PRKG1: variants seen among roughly 807,000 people sequenced by gnomAD.
PRKG1 encodes the protein cGMP-dependent protein kinase 1.
PRKG1 carries 35 observed loss-of-function variants against 88.1 expected under a neutral mutation model. The observed-to-expected ratio is 0.40, with a 90% confidence interval of 0.30 to 0.53. The LOEUF (loss-of-function observed/expected upper bound fraction) is 0.53. Among genes scored for constraint, PRKG1 ranks in the 20% least tolerant of loss-of-function variants. The pLI is 0.59. For missense variants in PRKG1, 540 were observed against 839.8 expected (o/e 0.64, Z 4.41); for synonymous variants, 303 against 292.5 (o/e 1.04, Z -0.37).
chr10:51,950,028 G>A (rs1185609309), intron 5 of PRKG1, among the ~76,000 whole-genome samples: 2 of 152,096 alleles, frequency 1.3e-5, no homozygotes, highest in African/African-American at 2.4e-5. Flanking sequence ...GTCACCAAAG[G>A]CATTTTAGCA....
rs529947315 is a variant in PRKG1, at chr10:51,140,632, G to C, written c.312-12532G>C. 3.9e-3 allele frequency among the ~76,000 whole-genome samples: 594 copies of C among 152,270 alleles called. 7 individuals carry two copies. Among genetic ancestry groups the C allele is most frequent in the African/African-American group, 0.014 (583 of 41,554 alleles). On this transcript the variant is annotated intron_variant, in intron 1 of 17. Transcript: ENST00000373980. The stretch of plus-strand genomic sequence containing the variant: ...AATGAAAATATCGTATACTCAAAAG[G>C]CTGTCTTCTGTGTAGCTCTCCTCCT...
chr10:51,126,805 A>G (rs1845435397), intron 1 of PRKG1, among the ~76,000 whole-genome samples: 1 of 152,034 alleles, frequency 6.6e-6, no homozygotes, highest in Non-Finnish European at 1.5e-5. Context: ...CAGAAATAAC[A>G]CTACACGTCT....
At chr10:51,970,013 C>CAA (rs1843667276) in intron 5 of PRKG1, among the ~76,000 whole-genome samples, 3 of 18,682 alleles carry the variant, frequency 1.6e-4, no homozygotes, top group African/African-American at 2.5e-4. Flanking sequence ...CACACACACA[C>CAA]ACACACACAC....
intron 5 of PRKG1, among the ~76,000 whole-genome samples, chr10:52,020,113 T>A (rs1845145265): frequency 6.6e-6 from 1 of 151,884 alleles, no homozygotes; most frequent in Admixed American, 6.6e-5. Context: ...TTCTGTAAAA[T>A]TAAGATAATA....
At chr10:52,134,868 A>G (rs1490249322) in intron 8 of PRKG1, among the ~76,000 whole-genome samples, 1 of 152,154 alleles carries the variant, frequency 6.6e-6, no homozygotes. Flanking sequence ...GAACCAGAGC[A>G]GAGACACAGT....
intron 3 of PRKG1, among the ~76,000 whole-genome samples, chr10:51,534,340 A>T (rs1653843852): frequency 6.6e-6 from 1 of 152,150 alleles, no homozygotes; most frequent in Admixed American, 6.5e-5. Context: ...ATAATGAGAA[A>T]TTGCCAATAT....
intron 2 of PRKG1, among the ~76,000 whole-genome samples, chr10:51,462,680 T>C (rs1338382394): frequency 6.6e-6 from 1 of 152,112 alleles, no homozygotes; most frequent in East Asian, 1.9e-4. Flanking sequence ...CAAGTTACCA[T>C]GATACATCTT....
intron 7 of PRKG1, among the ~76,000 whole-genome samples, chr10:52,105,117 A>G (rs1847383839): frequency 7.4e-6 from 1 of 135,438 alleles, no homozygotes; most frequent in African/African-American, 2.6e-5. Context: ...TAAAATCTTA[A>G]AAGGAAGAAC....
chr10:51,292,156 G>T (rs1474244058), intron 2 of PRKG1, among the ~76,000 whole-genome samples: 1 of 152,112 alleles, frequency 6.6e-6, no homozygotes, highest in African/African-American at 2.4e-5. Context: ...AGCTAGCATT[G>T]CTCCCAGACC....
intron 3 of PRKG1, among the ~76,000 whole-genome samples, chr10:51,664,441 C>T (rs1417661980): frequency 6.6e-6 from 1 of 152,140 alleles, no homozygotes; most frequent in Non-Finnish European, 1.5e-5. Flanking sequence ...CTAACATGGA[C>T]AGCTTATCAC....
chr10:51,818,923 C>A (rs1212475728), intron 4 of PRKG1, among the ~76,000 whole-genome samples: 1 of 110,466 alleles, frequency 9.1e-6, no homozygotes, highest in Admixed American at 9.1e-5. Context: ...AGGAGAATGG[C>A]GTGAACCCGG....
intron 3 of PRKG1, among the ~76,000 whole-genome samples, chr10:51,556,652 T>C (rs545958044): frequency 6.6e-6 from 1 of 152,134 alleles, no homozygotes; most frequent in African/African-American, 2.4e-5. Flanking sequence ...ATCTCACTTA[T>C]AAGTGGGAGC....
At chr10:51,865,104 C>T (rs151079667) in intron 4 of PRKG1, among the ~76,000 whole-genome samples, 1 of 152,156 alleles carries the variant, frequency 6.6e-6, no homozygotes, top group African/African-American at 2.4e-5. Flanking sequence ...ATAAATAACT[C>T]TTAGTGTTGC....
intron 1 of PRKG1, among the ~76,000 whole-genome samples, chr10:51,045,473 C>T (rs1843477197): frequency 6.6e-6 from 1 of 152,094 alleles, no homozygotes; most frequent in Non-Finnish European, 1.5e-5. Flanking sequence ...CAGGCATGTG[C>T]CACCACACCC....
intron 1 of PRKG1, among the ~76,000 whole-genome samples, chr10:51,069,013 A>C (rs1183582835): frequency 1.3e-5 from 2 of 151,984 alleles, no homozygotes; most frequent in Admixed American, 6.6e-5. Context: ...TAAAGAGTAC[A>C]AATAAATATT....
At chr10:51,197,361 C>G (rs938241397) in intron 2 of PRKG1, among the ~76,000 whole-genome samples, 1 of 152,066 alleles carries the variant, frequency 6.6e-6, no homozygotes, top group Non-Finnish European at 1.5e-5. Context: ...CAACCTCTTT[C>G]TCCTGTGTTC....
chr10:51,624,389 G>A (rs1447169364), intron 3 of PRKG1, among the ~76,000 whole-genome samples: 2 of 152,086 alleles, frequency 1.3e-5, no homozygotes, highest in Non-Finnish European at 2.9e-5. Context: ...TTTATTTGGG[G>A]GCTTTTAAAA....
At chr10:51,254,684 A>C (rs910321541) in intron 2 of PRKG1, among the ~76,000 whole-genome samples, 2 of 152,024 alleles carry the variant, frequency 1.3e-5, no homozygotes, top group African/African-American at 4.8e-5. Flanking sequence ...TTGTATTCAT[A>C]GTGATTTTAG....
At chr10:51,249,141 G>GT (rs1458264172) in intron 2 of PRKG1, among the ~76,000 whole-genome samples, 75 of 151,962 alleles carry the variant, frequency 4.9e-4, no homozygotes, top group Non-Finnish European at 8.5e-4. Context: ...AGCAGCCATG[G>GT]TTAACTTACG....
Sources: allele counts gnomAD v4.1 joint callset (sites outside exome capture counted in the v4.1 genomes callset), GRCh38; gene constraint gnomAD v4.1.1; transcripts MANE v1.5; gene names NCBI Gene and HGNC (gene_info 2026-07-23, HGNC 2026-07-21).